Variants in DOCK6 observed in about 807,000 individuals in gnomAD.
DOCK6 encodes the protein dedicator of cytokinesis protein 6.
In DOCK6, 167 loss-of-function variants were observed where a neutral mutation model predicts 230.3. That is an observed-to-expected ratio of 0.73 (90% CI 0.64 to 0.82). The LOEUF is 0.82. Among genes scored for constraint, DOCK6 ranks in the 40% least tolerant of loss-of-function variants. The pLI is 0.00. For synonymous variants in DOCK6, 1,148 were observed against 1,185.0 expected, an observed-to-expected ratio of 0.97 and a Z score of 0.64; for missense variants, 2,598 against 2,825.8, an observed-to-expected ratio of 0.92 and a Z score of 1.83.
intron 41 of DOCK6, 169 bp downstream of exon 41, chr19:11,203,911 AT>A: frequency 1.2e-6 from 1 of 840,828 alleles, no homozygotes; most frequent in South Asian, 1.8e-5. Context: ...GGGTGGGGGC[AT>A]TTTTGGGGAA....
rs1237778671 is a variant in DOCK6 at position 11,248,093 on chromosome 19, C to T, written c.779G>A (p.Arg260Lys). 1.2e-6 allele frequency: 2 copies of T among 1,611,742 alleles called. No individual in the cohort carries two copies. Among genetic ancestry groups the T allele is most frequent in the Admixed American group, 3.3e-5 (2 of 59,812 alleles). The change falls in exon 7 of 48, where the codon AGG becomes AAG. Residue 260 changes from arginine to lysine, a missense_variant. Arg to Lys is a conservative substitution (Grantham distance 26). Transcript: ENST00000294618. ...PEPPREHFGQRILVKCLSLKF... is the reference protein window; with the variant it reads ...PEPPREHFGQKILVKCLSLKF... ...GAGCGACAGACACTTGACCAAGATC[C>T]TTTGTCCAAAGTGCTCGCGGGGTGG... is the stretch of plus-strand genomic sequence containing the variant.
rs764692959 is a variant in DOCK6, at chr19:11,201,003, GTCT to G, written c.5735_5737del (p.Lys1912del). On this transcript the variant is annotated inframe_deletion, in exon 45 of 48. Coordinates refer to ENST00000294618, the MANE Select transcript of DOCK6 (RefSeq NM_020812.4). This position sits in a 1 kb window ranked among gnomAD's most constrained non-coding sequence, Gnocchi z 4.3. ...CTCGGTGGCAAAGGCCAGCTCCCGT[GTCT>G]TCTTCTGCATGTCCTCGATGGCCAC... The G allele has an allele frequency of 4.3e-6, 7 of 1,613,948 alleles. No individual in the cohort carries two copies. Among genetic ancestry groups the G allele is most frequent in the South Asian group, 3.3e-5 (3 of 91,076 alleles).
At chr19:11,226,344 G>A (rs1005630396) in intron 24 of DOCK6, among the ~76,000 whole-genome samples, 2 of 152,148 alleles carry the variant, frequency 1.3e-5, no homozygotes, top group African/African-American at 4.8e-5. Context: ...CTAACTTCAT[G>A]GGTTGTTGTG....
chr19:11,251,936 G>T, intron 5 of DOCK6, 183 bp downstream of exon 5: 1 of 842,452 alleles, frequency 1.2e-6, no homozygotes, highest in South Asian at 1.7e-5. Context: ...GAAGCCTTCA[G>T]TACACCCTAA....
chr19:11,253,092 C>T (rs558931649), intron 2 of DOCK6, 134 bp from the exon 3 acceptor site: 51 of 875,734 alleles, frequency 5.8e-5, no homozygotes, highest in Non-Finnish European at 7.4e-5. Flanking sequence ...GTTGGAGTTA[C>T]GGAGGAACCA....
intron 39 of DOCK6, chr19:11,205,851 C>G (rs1326556325): frequency 6.6e-6 from 1 of 151,278 alleles, no homozygotes; most frequent in African/African-American, 2.4e-5. Context: ...TCTTGAACTC[C>G]CGACCTCAAG....
rs779820191 is a variant in DOCK6 at position 11,217,111 on chromosome 19, G to A, written c.3712-15C>T. 20 of 1,604,666 alleles carry A rather than the reference G, an allele frequency of 1.2e-5. No individual in the cohort carries two copies. Among genetic ancestry groups the A allele is most frequent in the Admixed American group, 1.7e-5 (1 of 57,808 alleles). Reference sequence around the variant, plus strand: ...GCGCGAGAAGCCTGGGGCCAGAGAGGAATCAAAGTCAATTTCCATTTTCTC... The same window carrying A: ...GCGCGAGAAGCCTGGGGCCAGAGAGAAATCAAAGTCAATTTCCATTTTCTC... On this transcript the variant is annotated splice_polypyrimidine_tract_variant and intron_variant, in intron 29 of 47. Transcript: ENST00000294618.
intron 14 of DOCK6, chr19:11,239,915 C>T: frequency 6.3e-7 from 1 of 1,587,368 alleles, no homozygotes; most frequent in Admixed American, 1.8e-5. Context: ...GAACTTCGGG[C>T]AAGCCTGTTG....
intron 1 of DOCK6, among the ~76,000 whole-genome samples, chr19:11,261,849 C>T (rs111895652): frequency 6.6e-6 from 1 of 152,164 alleles, no homozygotes; most frequent in East Asian, 1.9e-4. Context: ...CCTTCCCCCC[C>T]CCCGACAGCT....
At chr19:11,223,706 G>A (rs1272952096) in intron 24 of DOCK6, among the ~76,000 whole-genome samples, 1 of 152,002 alleles carries the variant, frequency 6.6e-6, no homozygotes, top group Non-Finnish European at 1.5e-5. Context: ...GAGTACAGTG[G>A]CACAATCTCG....
At position 11,202,177 on chromosome 19, in the gene DOCK6, A is replaced by G. The variant is rs2079181060; in HGVS notation, c.5452-52T>C. 1.3e-6 allele frequency: 2 copies of G among 1,575,198 alleles called. No homozygotes were observed. The highest frequency in any genetic ancestry group is 3.4e-5 in the Admixed American group (2 of 58,888). On this transcript the variant is annotated intron_variant, in intron 43 of 47. Transcript: ENST00000294618. The surrounding 1 kb of genome is among the most constrained non-coding windows in gnomAD (Gnocchi z 5.3). ...CCCACAGCCCCAGCACGCACAGCCC[A>G]AGCCCTGTTCCTGGAGAGAGGGGAT...
intron 39 of DOCK6, chr19:11,205,884 CA>C (rs1162584446): frequency 2.0e-5 from 3 of 152,050 alleles, no homozygotes. Flanking sequence ...CCCGGCCTCC[CA>C]AAGTGCTGGG....
Position 11,250,586 on chromosome 19 carries a change from G to A in DOCK6, c.720+288C>T, listed in dbSNP as rs149824652. On this transcript the variant is annotated intron_variant, in intron 6 of 47. Coordinates refer to ENST00000294618, the MANE Select transcript of DOCK6 (RefSeq NM_020812.4). Reference sequence around the variant, plus strand: ...CAGCCTCCCAAAGTGCTGGGATTACGGGCATGAGCCACCATGCCCGGCCTA... The same window carrying A: ...CAGCCTCCCAAAGTGCTGGGATTACAGGCATGAGCCACCATGCCCGGCCTA... Among the ~76,000 whole-genome samples the A allele has an allele frequency of 0.011, 1,623 of 151,960 alleles. 35 individuals are homozygous for A. Among genetic ancestry groups the A allele is most frequent in the African/African-American group, 0.037 (1,513 of 41,434 alleles).
At chr19:11,215,592 G>T in intron 31 of DOCK6, 121 bp from the exon 32 acceptor site, 1 of 1,280,862 alleles carries the variant, frequency 7.8e-7, no homozygotes, top group Non-Finnish European at 1.1e-6. Flanking sequence ...ACTGGGTGGA[G>T]CAGAAGCCTG....
intron 28 of DOCK6, among the ~76,000 whole-genome samples, chr19:11,219,459 A>C (rs1600884437): frequency 6.6e-6 from 1 of 150,480 alleles, no homozygotes; most frequent in Middle Eastern, 3.2e-3. Context: ...AAGTGCTGGG[A>C]CTACAGGCAT....
At chr19:11,231,009 G>A (rs1376292968) in intron 22 of DOCK6, among the ~76,000 whole-genome samples, 1 of 152,042 alleles carries the variant, frequency 6.6e-6, no homozygotes, top group Non-Finnish European at 1.5e-5. Flanking sequence ...GCACCGTGAG[G>A]GCCTTCCATT....
chr19:11,216,874 A>T (rs768913557), intron 30 of DOCK6, 40 bp downstream of exon 30: 2 of 1,605,218 alleles, frequency 1.2e-6, no homozygotes, highest in Middle Eastern at 1.7e-4. Context: ...GTACATCCTT[A>T]GCCTGCCTCC....
Position 11,204,076 on chromosome 19 carries a change from C to T in DOCK6, c.5235+5G>A. The stretch of plus-strand genomic sequence containing the variant: ...GCAGGTGGCTGTCCACCAAGGCTGA[C>T]TCACCTCCCAGCCGGAACTCTGTGG... On this transcript the variant is annotated splice_donor_5th_base_variant and intron_variant, in intron 41 of 47. Coordinates refer to ENST00000294618, the MANE Select transcript of DOCK6 (RefSeq NM_020812.4). 15 of 1,549,790 alleles carry T rather than the reference C, an allele frequency of 9.7e-6. No homozygotes were observed. Among genetic ancestry groups the T allele is most frequent in the Non-Finnish European group, 1.3e-5 (15 of 1,146,662 alleles).
In DOCK6 at chr19:11,211,558, C is replaced by A. The variant is rs891065159; in HGVS notation, c.4751+218G>T. ...CCCTATCCCCCTTACCTGTCTGCTC[C>A]CCTGTCCCCCTCACCTGTCTGCTCA... On this transcript the variant is annotated intron_variant, in intron 37 of 47. Coordinates refer to ENST00000294618, the MANE Select transcript of DOCK6 (RefSeq NM_020812.4). 1.5e-5 allele frequency among the ~76,000 whole-genome samples: 2 copies of A among 130,550 alleles called. No homozygotes were observed. Among genetic ancestry groups the A allele is most frequent in the Admixed American group, 8.1e-5 (1 of 12,406 alleles). The allele number at this position is 130,550 out of a possible 152,430, so 85.6% of individuals were successfully genotyped here.
Sources: gnomAD v4.1 joint callset for allele counts (sites outside exome capture counted in the v4.1 genomes callset) on GRCh38, gnomAD v4.1.1 for gene constraint, Gnocchi (gnomAD v3.1) non-coding constraint, MANE v1.5 for transcripts, NCBI Gene and HGNC (gene_info 2026-07-23, HGNC 2026-07-21) for gene names.